The following CEP164 variants were observed in gnomAD, a reference collection of about 807,000 sequenced individuals.
The protein encoded by CEP164 is centrosomal protein of 164 kDa.
Under a neutral mutation model 182.7 loss-of-function variants are expected in CEP164, and 162 were observed. The observed-to-expected ratio is 0.89, with a 90% CI of 0.78 to 1.01. The LOEUF (loss-of-function observed/expected upper bound fraction) is 1.01. CEP164 is among the 50% of genes least tolerant of loss of function. The pLI is 0.00. For synonymous variants in CEP164, 661 were observed against 690.0 expected (o/e 0.96, Z 0.66); for missense variants, 1,735 against 1,790.4 (o/e 0.97, Z 0.56).
intron 12 of CEP164, among the ~76,000 whole-genome samples, chr11:117,381,052 G>C (rs1413481938): frequency 1.3e-5 from 2 of 152,192 alleles, no homozygotes; most frequent in Non-Finnish European, 2.9e-5. Flanking sequence ...TTATGGGCCA[G>C]GGCTGAAGAA....
intron 27 of CEP164, among the ~76,000 whole-genome samples, chr11:117,404,551 G>A (rs979338469): frequency 2.6e-5 from 4 of 152,184 alleles, no homozygotes; most frequent in Non-Finnish European, 5.9e-5. Context: ...GCACCCACCA[G>A]ATGCCAGCTG....
chr11:117,394,593 A>C lies in CEP164; in HGVS notation c.2760+100A>C. 1 of 1,448,138 alleles carries C rather than the reference A, an allele frequency of 6.9e-7. No individual in the cohort carries two copies. Among genetic ancestry groups the C allele is most frequent in the Non-Finnish European group, 9.3e-7 (1 of 1,076,738 alleles). 89.7% of individuals were successfully genotyped at this position (1,448,138 alleles called of 1,614,324 possible). A position where few individuals can be genotyped will look rare whatever the true frequency, so the allele number is the denominator to read the frequency against. The stretch of plus-strand genomic sequence containing the variant: ...TGGCCCCAGCAGGATGCAGCCTGAC[A>C]GCTTCTGGAGTGAGAGTCTCTCACT... On this transcript the variant is annotated intron_variant, in intron 21 of 32. Coordinates refer to ENST00000278935, the MANE Select transcript of CEP164 (RefSeq NM_014956.5). The surrounding 1 kb of genome is among the most constrained non-coding windows in gnomAD (Gnocchi z 4.0).
At chr11:117,383,495 T>C (rs1223605180) in intron 14 of CEP164, among the ~76,000 whole-genome samples, 1 of 152,244 alleles carries the variant, frequency 6.6e-6, no homozygotes, top group African/African-American at 2.4e-5. Context: ...TCCAGTTCTC[T>C]ACTTCACATA....
intron 4 of CEP164, among the ~76,000 whole-genome samples, chr11:117,350,218 T>A (rs1381251398): frequency 6.6e-6 from 1 of 152,116 alleles, no homozygotes; most frequent in Non-Finnish European, 1.5e-5. Context: ...CTTTTTTTTT[T>A]TTGAAACAGG....
chr11:117,325,971 C>A (rs531195698), upstream of CEP164, among the ~76,000 whole-genome samples: 3 of 129,658 alleles, frequency 2.3e-5, no homozygotes, highest in East Asian at 4.7e-4. Flanking sequence ...AGTGCAATGT[C>A]GAGACCTTGG....
In CEP164 at chr11:117,410,932, T is replaced by C. The variant is rs376605378; in HGVS notation, c.4163+38T>C. 109 of 1,584,026 alleles carry C rather than the reference T, an allele frequency of 6.9e-5. No individual in the cohort carries two copies. The African/African-American group carries it at 1.1e-3, about 17-fold the overall frequency. On this transcript the variant is annotated intron_variant, in intron 31 of 32. Coordinates refer to ENST00000278935, the MANE Select transcript of CEP164 (RefSeq NM_014956.5). The stretch of plus-strand genomic sequence containing the variant: ...GGGGGCTGGTTGGGGTGGAACGTCA[T>C]AGTCGAGCTGCTCACTGTGCCTCCC...
chr11:117,407,252 C>T (rs371255340), intron 27 of CEP164, among the ~76,000 whole-genome samples: 4 of 151,904 alleles, frequency 2.6e-5, no homozygotes, highest in African/African-American at 9.7e-5. Context: ...ATGCTGCCCA[C>T]GACCCTGTCA....
chr11:117,326,961 C>T (rs2035483084), upstream of CEP164, among the ~76,000 whole-genome samples: 1 of 152,184 alleles, frequency 6.6e-6, no homozygotes, highest in South Asian at 2.1e-4. Flanking sequence ...ATTTGCCCTC[C>T]GTGCAAGCAA....
chr11:117,354,092 C>T (rs1479251143), intron 5 of CEP164, among the ~76,000 whole-genome samples: 1 of 151,670 alleles, frequency 6.6e-6, no homozygotes, highest in African/African-American at 2.4e-5. Context: ...TCTTGGATCA[C>T]TGCAACCTCC....
intron 5 of CEP164, among the ~76,000 whole-genome samples, chr11:117,360,312 C>T (rs1012439588): frequency 1.4e-4 from 21 of 152,164 alleles, no homozygotes; most frequent in African/African-American, 5.1e-4. Flanking sequence ...GGACCACAGG[C>T]GTGTGTCACC....
At chr11:117,395,296 G>T in intron 23 of CEP164, 105 bp downstream of exon 23, 2 of 1,377,692 alleles carry the variant, frequency 1.5e-6, no homozygotes, top group South Asian at 1.2e-5. Context: ...GGGCACTGGG[G>T]TTCCAAACTC....
At chr11:117,408,142 C>T in intron 28 of CEP164, 110 bp downstream of exon 28, 1 of 731,792 alleles carries the variant, frequency 1.4e-6, no homozygotes, top group Non-Finnish European at 2.3e-6. Context: ...CCTCTAGGGC[C>T]CAGGATTGGG....
rs759774330 is a variant in CEP164, at chr11:117,362,492, TAGG to T, written c.644_646del (p.Gly215del). Reference sequence around the variant, plus strand: ...AAGACTGCTCTCAGCCTCTTGGGTTTAGGAGAAGAAACCAATGAGGAGGATGAG... The same window carrying T: ...AAGACTGCTCTCAGCCTCTTGGGTTTAGAAGAAACCAATGAGGAGGATGAG... On this transcript the variant is annotated inframe_deletion, in exon 7 of 33. Coordinates refer to ENST00000278935, the MANE Select transcript of CEP164 (RefSeq NM_014956.5). 5.1e-5 allele frequency: 82 copies of T among 1,613,748 alleles called. No individual in the cohort carries two copies. The highest frequency in any genetic ancestry group is 6.6e-5 in the Non-Finnish European group (78 of 1,179,998).
In CEP164 at chr11:117,359,387, C is replaced by G. The variant is rs924380206; in HGVS notation, c.394-2448C>G. The G allele has an allele frequency of 4.5e-5, 44 of 984,638 alleles. No homozygotes were observed. The East Asian group carries it at 7.9e-4, about 18-fold the overall frequency. The allele number at this position is 984,638 out of a possible 1,614,324, so 61.0% of individuals were successfully genotyped here. A position where few individuals can be genotyped will look rare whatever the true frequency, so the allele number is the denominator to read the frequency against. ...GCCAGTGCACTGCTGGCTGGTGTTA[C>G]GATTATCAGCTCGTTTTCTCCTTCA... On this transcript the variant is annotated intron_variant, in intron 5 of 32. Transcript: ENST00000278935.
intron 5 of CEP164, among the ~76,000 whole-genome samples, chr11:117,352,531 T>C (rs1327007328): frequency 6.6e-6 from 1 of 152,240 alleles, no homozygotes; most frequent in Non-Finnish European, 1.5e-5. Context: ...ATCTAGATTG[T>C]TGCCAGTGTC....
chr11:117,373,062 G>T (rs2042379224), intron 9 of CEP164, among the ~76,000 whole-genome samples: 4 of 152,020 alleles, frequency 2.6e-5, no homozygotes, highest in Admixed American at 2.6e-4. Context: ...AGATGATGAG[G>T]GAATTCATTT....
intron 2 of CEP164, chr11:117,336,608 C>CT: frequency 7.3e-7 from 1 of 1,370,824 alleles, no homozygotes; most frequent in Non-Finnish European, 1.0e-6. Flanking sequence ...TTGGCCCTGG[C>CT]TGTCTGGCAT....
chr11:117,394,517 G>T lies in CEP164; in HGVS notation c.2760+24G>T. On this transcript the variant is annotated intron_variant, in intron 21 of 32. Transcript: ENST00000278935. The surrounding 1 kb of genome is among the most constrained non-coding windows in gnomAD (Gnocchi z 4.0). ...AGGTGAGGGGCCTGGGGCAGGGTGAGCCCACTGTGACCCCTCCATGCACAG... is the reference window on the plus strand; with the variant it reads ...AGGTGAGGGGCCTGGGGCAGGGTGATCCCACTGTGACCCCTCCATGCACAG... The T allele has an allele frequency of 1.9e-6, 3 of 1,611,756 alleles. No individual in the cohort carries two copies. Among genetic ancestry groups the T allele is most frequent in the Non-Finnish European group, 2.5e-6 (3 of 1,179,488 alleles).
At chr11:117,339,537 T>G (rs933131506) in intron 3 of CEP164, among the ~76,000 whole-genome samples, 1 of 133,704 alleles carries the variant, frequency 7.5e-6, no homozygotes, top group African/African-American at 2.8e-5. Flanking sequence ...TTTTTTTTTT[T>G]TTTTTTTTTG....
Sources: allele counts gnomAD v4.1 joint callset (sites outside exome capture counted in the v4.1 genomes callset), GRCh38; gene constraint gnomAD v4.1.1; non-coding constraint Gnocchi (gnomAD v3.1); transcripts MANE v1.5; gene names NCBI Gene and HGNC (gene_info 2026-07-23, HGNC 2026-07-21).